Variants in NFAM1 observed in about 807,000 individuals in gnomAD.
NFAM1 encodes NFAT activation molecule 1.
Under a neutral mutation model 29.0 loss-of-function variants are expected in NFAM1, and 17 were observed. That is an observed-to-expected ratio of 0.59 (90% CI 0.40 to 0.88). The LOEUF (loss-of-function observed/expected upper bound fraction) is 0.88, where lower values mean the gene tolerates loss of function less well. Among genes scored for constraint, NFAM1 ranks in the 40% least tolerant of loss-of-function variants. The probability of loss-of-function intolerance (pLI) is 0.00; values close to 1 mark genes in which losing one functional copy is unlikely to be tolerated. For synonymous variants in NFAM1, 175 were observed against 147.2 expected, an observed-to-expected ratio of 1.19 and a Z score of -1.36; for missense variants, 324 against 344.6, an observed-to-expected ratio of 0.94 and a Z score of 0.47.
At chr22:42,386,870 T>C (rs919860323) in intron 5 of NFAM1, 119 bp downstream of exon 5, 8 of 601,364 alleles carry the variant, frequency 1.3e-5, no homozygotes, top group Non-Finnish European at 2.4e-5. Flanking sequence ...CACCAGGAGA[T>C]GGCTGGGATT....
chr22:42,409,700 G>A lies in NFAM1; in HGVS notation c.452-153C>T, dbSNP rs978862821. ...CTAGGCCCCCTGGGAGCCAGGGTTC[G>A]GGCCTTCATTGTCCCCTCACTCCTT... On this transcript the variant is annotated intron_variant, in intron 2 of 5. Coordinates refer to ENST00000329021, the MANE Select transcript of NFAM1 (RefSeq NM_145912.8). The surrounding 1 kb of genome is among the most constrained non-coding windows in gnomAD (Gnocchi z 4.9). 2.6e-5 allele frequency among the ~76,000 whole-genome samples: 4 copies of A among 152,112 alleles called. No homozygotes were observed. The highest frequency in any genetic ancestry group is 1.9e-4 in the East Asian group (1 of 5,192).
chr22:42,395,188 A>C (rs1159326877), intron 4 of NFAM1, among the ~76,000 whole-genome samples: 1 of 151,196 alleles, frequency 6.6e-6, no homozygotes, highest in Non-Finnish European at 1.5e-5. Context: ...AAAAAAATAA[A>C]ACAGGCCAAG....
At chr22:42,436,088 G>C (rs571142040), upstream of NFAM1, among the ~76,000 whole-genome samples, 197 of 152,266 alleles carry the variant, frequency 1.3e-3, no homozygotes, top group Non-Finnish European at 2.4e-3. Context: ...CCGAAGTGCT[G>C]GGACTACAGG....
chr22:42,411,324 C>G, intron 2 of NFAM1, 83 bp downstream of exon 2: 9 of 1,122,212 alleles, frequency 8.0e-6, no homozygotes, highest in Non-Finnish European at 1.2e-5. Flanking sequence ...TGGCCCCATT[C>G]TCTATTTCCG....
At chr22:42,399,012 T>C (rs1294819314) in intron 3 of NFAM1, among the ~76,000 whole-genome samples, 1 of 152,182 alleles carries the variant, frequency 6.6e-6, no homozygotes, top group Non-Finnish European at 1.5e-5. Flanking sequence ...AGGAAACCAA[T>C]GCCCCACTGG....
chr22:42,430,362 C>G (rs1367701217), intron 1 of NFAM1, among the ~76,000 whole-genome samples: 1 of 152,176 alleles, frequency 6.6e-6, no homozygotes, highest in Non-Finnish European at 1.5e-5. Context: ...GAGTTCAAGA[C>G]CAGCCTGGCC....
At position 42,411,393 on chromosome 22, in the gene NFAM1, A is replaced by G; in HGVS notation, c.451+14T>C. 1 of 1,600,250 alleles carries G rather than the reference A, an allele frequency of 6.2e-7. No homozygotes were observed. The highest frequency in any genetic ancestry group is 8.5e-7 in the Non-Finnish European group (1 of 1,169,628). On this transcript the variant is annotated intron_variant, in intron 2 of 5. Transcript: ENST00000329021. ...GTGTCCTTTGCCCTGGAAGAGCCAC[A>G]GAGGAAGCCTTACCTCTGACCAGGA...
chr22:42,410,612 T>C (rs868243109), intron 2 of NFAM1: 12 of 225,394 alleles, frequency 5.3e-5, no homozygotes, highest in African/African-American at 2.4e-4. Context: ...TGAGCCAAGA[T>C]TGGGCCAGTG....
At chr22:42,408,949 G>A (rs1242793316) in intron 3 of NFAM1, among the ~76,000 whole-genome samples, 17 of 152,202 alleles carry the variant, frequency 1.1e-4, no homozygotes, top group South Asian at 8.3e-4. Flanking sequence ...CCTCGTCATG[G>A]AGCTATGCTG....
chr22:42,428,464 CAG>C (rs1013345376), intron 1 of NFAM1, among the ~76,000 whole-genome samples: 46 of 152,062 alleles, frequency 3.0e-4, no homozygotes, highest in Non-Finnish European at 4.4e-5. Context: ...TTTTTTGAGA[CAG>C]AGTCCTGCTC....
At chr22:42,436,214 T>G (rs1930936681), upstream of NFAM1, among the ~76,000 whole-genome samples, 1 of 152,184 alleles carries the variant, frequency 6.6e-6, no homozygotes, top group Non-Finnish European at 1.5e-5. Context: ...CATGGTTCCT[T>G]TCTGCACAGG....
chr22:42,395,476 CA>C (rs553752910), intron 4 of NFAM1, among the ~76,000 whole-genome samples: 7 of 137,326 alleles, frequency 5.1e-5, no homozygotes, highest in Admixed American at 1.4e-4. Flanking sequence ...GACTCTGTCT[CA>C]AAAAAAAATA....
At chr22:42,411,771 A>C in intron 1 of NFAM1, 35 bp from the exon 2 acceptor site, 1 of 1,494,640 alleles carries the variant, frequency 6.7e-7, no homozygotes, top group Non-Finnish European at 9.3e-7. Context: ...GCAACAGGTC[A>C]CTTGAGGCTG....
At chr22:42,436,848 C>T (rs1930952218), upstream of NFAM1, 1 of 281,412 alleles carries the variant, frequency 3.6e-6, no homozygotes, top group Admixed American at 6.5e-5. Flanking sequence ...CTCCCGGGAC[C>T]TGGCTTTAAC....
chr22:42,437,125 G>T (rs891753524), upstream of NFAM1: 13 of 247,410 alleles, frequency 5.3e-5, no homozygotes, highest in Non-Finnish European at 6.9e-5. Flanking sequence ...AAGGTGGCAT[G>T]ATTTTTTCTT....
rs1475439040 is a variant in NFAM1 at position 42,383,980 on chromosome 22, T to C, written c.*1181A>G. ...TACTGCGAGGAGGAAATGAGGGTGA[T>C]GTGGGCACCTGAAACAGCAGAAATG... On this transcript the variant is annotated 3_prime_UTR_variant, in exon 6 of 6. Transcript: ENST00000329021. 1 of 152,892 alleles carries C rather than the reference T, an allele frequency of 6.5e-6. No individual in the cohort carries two copies. The highest frequency in any genetic ancestry group is 1.9e-4 in the East Asian group (1 of 5,170). The allele number at this position is 152,892 out of a possible 1,614,324, so 9.5% of individuals were successfully genotyped here.
intron 4 of NFAM1, among the ~76,000 whole-genome samples, chr22:42,395,881 CAAAAA>C (rs60278301): frequency 1.1e-5 from 1 of 93,802 alleles, no homozygotes; most frequent in African/African-American, 3.7e-5. Flanking sequence ...AGACTCTGCT[CAAAAA>C]AAAAAAAAAA....
chr22:42,421,113 G>A (rs905894938), intron 1 of NFAM1, among the ~76,000 whole-genome samples: 1 of 152,154 alleles, frequency 6.6e-6, no homozygotes, highest in Admixed American at 6.5e-5. Context: ...CGGACATTTT[G>A]GGAAAGGAAT....
upstream of NFAM1, chr22:42,432,525 C>CTGG: frequency 1.1e-6 from 1 of 903,944 alleles, no homozygotes; most frequent in East Asian, 2.8e-5. Flanking sequence ...GATGAGGAAC[C>CTGG]TGGCACTGAG....
Sources: allele counts gnomAD v4.1 joint callset (sites outside exome capture counted in the v4.1 genomes callset), GRCh38; gene constraint gnomAD v4.1.1; non-coding constraint Gnocchi (gnomAD v3.1); transcripts MANE v1.5; gene names NCBI Gene and HGNC (gene_info 2026-07-23, HGNC 2026-07-21).